The following CACNA2D3 variants were observed in gnomAD, a reference collection of about 807,000 sequenced individuals.
CACNA2D3 encodes the protein voltage-dependent calcium channel subunit alpha-2/delta-3.
Under a neutral mutation model 160.6 loss-of-function variants are expected in CACNA2D3, and 60 were observed. The ratio of observed to expected loss-of-function variants is 0.37; its 90% CI spans 0.30 to 0.46. CACNA2D3 has a LOEUF of 0.46. Ranked by LOEUF, CACNA2D3 falls within the 20% of genes least tolerant of loss-of-function variation. The pLI, the probability that CACNA2D3 is intolerant of heterozygous loss-of-function variation, is 1.00. For missense variants in CACNA2D3, 1,205 were observed against 1,365.0 expected (o/e 0.88, Z 1.85); for synonymous variants, 558 against 492.9 (o/e 1.13, Z -1.75).
rs539973661 is a variant in CACNA2D3, at chr3:54,160,609, A to AG, written c.204+37016dup. ...GTTTGATTTTTACTATTGATCATTT[A>AG]GAAAAGTTTCCTTTAGCTTCACTGC... On this transcript the variant is annotated intron_variant, in intron 2 of 37. Coordinates refer to ENST00000474759, the MANE Select transcript of CACNA2D3 (RefSeq NM_018398.3). 3.1e-4 allele frequency among the ~76,000 whole-genome samples: 47 copies of AG among 152,380 alleles called. No homozygotes were observed. The East Asian group carries it at 7.5e-3, about 24-fold the overall frequency.
chr3:55,022,049 G>C (rs963407417), intron 35 of CACNA2D3, among the ~76,000 whole-genome samples: 10 of 151,998 alleles, frequency 6.6e-5, no homozygotes, highest in Admixed American at 3.3e-4. Flanking sequence ...TTTATTTTCA[G>C]TCTATTTTAG....
intron 23 of CACNA2D3, among the ~76,000 whole-genome samples, chr3:54,886,993 A>G (rs952287072): frequency 8.2e-6 from 1 of 121,460 alleles, no homozygotes; most frequent in Non-Finnish European, 1.6e-5. Context: ...TGTGATAATT[A>G]GTTATCCTCC....
intron 31 of CACNA2D3, among the ~76,000 whole-genome samples, chr3:54,991,309 G>T (rs1056346596): frequency 3.3e-5 from 5 of 149,264 alleles, no homozygotes; most frequent in Non-Finnish European, 5.9e-5. Context: ...TGCAACCACC[G>T]CCTTCTGGGT....
chr3:54,838,741 G>T (rs1276272103), intron 16 of CACNA2D3, 93 bp downstream of exon 16: 3 of 940,704 alleles, frequency 3.2e-6, no homozygotes, highest in Non-Finnish European at 5.2e-6. Flanking sequence ...ACTTTGGAGC[G>T]ATGTTTTTGC....
intron 11 of CACNA2D3, among the ~76,000 whole-genome samples, chr3:54,738,101 A>G (rs1701570077): frequency 6.6e-6 from 1 of 152,216 alleles, no homozygotes; most frequent in Non-Finnish European, 1.5e-5. Flanking sequence ...TTAGCAGAAG[A>G]TATAGAAGTC....
chr3:54,255,340 G>A (rs953369432), intron 2 of CACNA2D3, among the ~76,000 whole-genome samples: 16 of 152,214 alleles, frequency 1.1e-4, no homozygotes, highest in African/African-American at 3.9e-4. Context: ...TAATGATCCT[G>A]TAAATTCCTA....
At chr3:54,389,807 A>G (rs901080555) in intron 4 of CACNA2D3, among the ~76,000 whole-genome samples, 1 of 152,326 alleles carries the variant, frequency 6.6e-6, no homozygotes, top group African/African-American at 2.4e-5. Flanking sequence ...ATTCAAAGAG[A>G]TGAGGACACA....
chr3:54,557,773 C>T (rs990443111), intron 5 of CACNA2D3, among the ~76,000 whole-genome samples: 3 of 152,294 alleles, frequency 2.0e-5, no homozygotes, highest in South Asian at 4.1e-4. Flanking sequence ...TTTCCAGGAT[C>T]GTGAGGATAA....
chr3:55,056,696 G>A (rs1704369298), intron 35 of CACNA2D3, among the ~76,000 whole-genome samples: 1 of 152,128 alleles, frequency 6.6e-6, no homozygotes, highest in African/African-American at 2.4e-5. Flanking sequence ...TATGAAATAA[G>A]CCAGACACAG....
intron 9 of CACNA2D3, among the ~76,000 whole-genome samples, chr3:54,615,944 A>C (rs1331248634): frequency 6.6e-6 from 1 of 152,204 alleles, no homozygotes; most frequent in African/African-American, 2.4e-5. Context: ...CAAGGAATCT[A>C]GGTTGTGTGC....
At chr3:54,993,854 CTTT>C (rs60130693) in intron 31 of CACNA2D3, among the ~76,000 whole-genome samples, 15 of 114,612 alleles carry the variant, frequency 1.3e-4, no homozygotes, top group African/African-American at 1.3e-4. Flanking sequence ...CTCTCTCTCT[CTTT>C]TTTTTTTTTT....
At chr3:54,529,195 T>A (rs937392098) in intron 5 of CACNA2D3, among the ~76,000 whole-genome samples, 1 of 152,238 alleles carries the variant, frequency 6.6e-6, no homozygotes, top group African/African-American at 2.4e-5. Context: ...CATTTATAGA[T>A]GTCCTTCTAC....
chr3:54,258,370 C>T (rs1024446945), intron 2 of CACNA2D3, among the ~76,000 whole-genome samples: 4 of 151,964 alleles, frequency 2.6e-5, no homozygotes, highest in African/African-American at 9.7e-5. Flanking sequence ...GAGTCTGAAC[C>T]CCTGAAGCTT....
intron 14 of CACNA2D3, among the ~76,000 whole-genome samples, chr3:54,828,585 TA>T (rs1703795209): frequency 6.6e-6 from 1 of 152,222 alleles, no homozygotes; most frequent in Admixed American, 6.5e-5. Context: ...ATAACAATTT[TA>T]TTAGAAGAGG....
At chr3:54,229,964 C>T (rs141707701) in intron 2 of CACNA2D3, among the ~76,000 whole-genome samples, 4 of 152,150 alleles carry the variant, frequency 2.6e-5, no homozygotes, top group East Asian at 3.9e-4. Context: ...CTGCAACATA[C>T]GATGCTTCTG....
intron 4 of CACNA2D3, among the ~76,000 whole-genome samples, chr3:54,449,217 A>AAG (rs1491581939): frequency 6.6e-6 from 1 of 152,186 alleles, no homozygotes; most frequent in Non-Finnish European, 1.5e-5. Flanking sequence ...GACAAACCAC[A>AAG]AGAGAGAGAG....
intron 4 of CACNA2D3, among the ~76,000 whole-genome samples, chr3:54,456,037 T>C (rs2106828850): frequency 6.6e-6 from 1 of 152,306 alleles, no homozygotes; most frequent in Admixed American, 6.5e-5. Flanking sequence ...ATTCAGACTC[T>C]TATATGGTTC....
At chr3:54,670,642 C>T (rs747341032) in intron 11 of CACNA2D3, among the ~76,000 whole-genome samples, 12 of 152,208 alleles carry the variant, frequency 7.9e-5, no homozygotes, top group South Asian at 2.1e-4. Context: ...TTTATCACTG[C>T]GATTATAGGC....
At chr3:54,783,795 C>T (rs1010053545) in intron 13 of CACNA2D3, among the ~76,000 whole-genome samples, 1 of 152,098 alleles carries the variant, frequency 6.6e-6, no homozygotes, top group Admixed American at 6.5e-5. Context: ...AAACTCAGCT[C>T]ATCACACTTG....
Sources: gnomAD v4.1 joint callset for allele counts (sites outside exome capture counted in the v4.1 genomes callset) on GRCh38, gnomAD v4.1.1 for gene constraint, MANE v1.5 for transcripts, NCBI Gene and HGNC (gene_info 2026-07-23, HGNC 2026-07-21) for gene names.